YTHDF2: variants seen among roughly 807,000 people sequenced by gnomAD.
YTHDF2 encodes the protein YTH N6-methyladenosine RNA binding protein F2.
YTHDF2 carries 2 observed loss-of-function variants against 50.4 expected under a neutral mutation model. That is an observed-to-expected ratio of 0.04 (90% confidence interval 0.02 to 0.12). YTHDF2 has a LOEUF of 0.12. Among genes scored for constraint, YTHDF2 ranks in the 10% least tolerant of loss-of-function variants. The pLI, the probability that YTHDF2 is intolerant of heterozygous loss-of-function variation, is 1.00. For synonymous variants in YTHDF2, 217 were observed against 255.6 expected, an observed-to-expected ratio of 0.85 and a Z score of 1.44; for missense variants, 483 against 722.6, an observed-to-expected ratio of 0.67 and a Z score of 3.80.
chr1:28,747,897 G>C (rs1403310880), intron 4 of YTHDF2, among the ~76,000 whole-genome samples: 1 of 151,062 alleles, frequency 6.6e-6, no homozygotes, highest in Non-Finnish European at 1.5e-5. Flanking sequence ...AGGCTGAGGC[G>C]GGCAGATCAC....
At chr1:28,747,406 C>T (rs572989044) in intron 4 of YTHDF2, among the ~76,000 whole-genome samples, 1 of 151,108 alleles carries the variant, frequency 6.6e-6, no homozygotes, top group South Asian at 2.1e-4. Flanking sequence ...CCTGTGTCTA[C>T]TAAAAATACA....
intron 1 of YTHDF2, 116 bp from the exon 2 acceptor site, chr1:28,737,542 G>A (rs528292041): frequency 2.9e-5 from 41 of 1,390,540 alleles, no homozygotes; most frequent in Non-Finnish European, 3.9e-5. Context: ...CATTCCTGAC[G>A]CCTCCCCTCG....
chr1:28,768,190 T>A (rs1195837519), intron 4 of YTHDF2, among the ~76,000 whole-genome samples: 1 of 151,988 alleles, frequency 6.6e-6, no homozygotes, highest in Non-Finnish European at 1.5e-5. Context: ...AGAGCGAGAC[T>A]CTGTCTCAAA....
chr1:28,745,022 C>G (rs528377971), intron 4 of YTHDF2, among the ~76,000 whole-genome samples: 2 of 152,136 alleles, frequency 1.3e-5, no homozygotes, highest in African/African-American at 4.8e-5. Context: ...AGAAATTTTT[C>G]TTTGAAGATC....
chr1:28,762,898 C>T (rs191570085), intron 4 of YTHDF2, among the ~76,000 whole-genome samples: 143 of 151,986 alleles, frequency 9.4e-4, no homozygotes, highest in African/African-American at 3.3e-3. Flanking sequence ...AGTGCAGTGG[C>T]GCGATCTTGG....
chr1:28,739,425 T>G (rs1259594119), intron 3 of YTHDF2, among the ~76,000 whole-genome samples: 4 of 151,596 alleles, frequency 2.6e-5, no homozygotes, highest in Admixed American at 6.6e-5. Flanking sequence ...TTTGCCCGCC[T>G]CAGCCTCCCA....
chr1:28,754,019 C>G (rs974510737), intron 4 of YTHDF2, among the ~76,000 whole-genome samples: 1 of 151,864 alleles, frequency 6.6e-6, no homozygotes, highest in Admixed American at 6.6e-5. Context: ...GGATTTTATT[C>G]TTTACCTGTG....
At chr1:28,765,711 C>G (rs572140443) in intron 4 of YTHDF2, among the ~76,000 whole-genome samples, 1 of 152,154 alleles carries the variant, frequency 6.6e-6, no homozygotes, top group Non-Finnish European at 1.5e-5. Context: ...CCTCAGCCTT[C>G]TAAAGTGTGA....
At chr1:28,762,844 A>C (rs186762701) in intron 4 of YTHDF2, among the ~76,000 whole-genome samples, 1 of 151,780 alleles carries the variant, frequency 6.6e-6, no homozygotes, top group Non-Finnish European at 1.5e-5. Context: ...TTTATTTTTA[A>C]TTTTTATTTT....
Position 28,762,893 on chromosome 1 carries a change from A to G in YTHDF2, c.1717-6036A>G, listed in dbSNP as rs546720429. Among the ~76,000 whole-genome samples, 4 of 152,180 alleles carry G rather than the reference A, an allele frequency of 2.6e-5. No individual in the cohort carries two copies. The East Asian group carries it at 5.8e-4, about 22-fold the overall frequency. On this transcript the variant is annotated intron_variant, in intron 4 of 4. Transcript: ENST00000373812. ...AGCTCTGTTGGCTAGGCTGGAGTGC[A>G]GTGGCGCGATCTTGGCTCACCCGGG...
At position 28,750,046 on chromosome 1, in the gene YTHDF2, A is replaced by G. The variant is rs1215992287; in HGVS notation, c.1716+6060A>G. Among the ~76,000 whole-genome samples, 4 of 125,192 alleles carry G rather than the reference A, an allele frequency of 3.2e-5. No individual in the cohort carries two copies. In the East Asian group the frequency reaches 7.8e-4, roughly 24 times the overall value. 82.1% of individuals were successfully genotyped at this position (125,192 alleles called of 152,430 possible). On this transcript the variant is annotated intron_variant, in intron 4 of 4. Transcript: ENST00000373812. The stretch of plus-strand genomic sequence containing the variant: ...ACTTTTGTCACCCAGGCTGGAGTGC[A>G]ATGGCGTGATCTCGGCTCACTGCAA...
At chr1:28,738,367 T>C in intron 3 of YTHDF2, 29 bp downstream of exon 3, 1 of 1,537,942 alleles carries the variant, frequency 6.5e-7, no homozygotes, top group South Asian at 1.1e-5. Flanking sequence ...ACATATCTAA[T>C]CGAAGGGTGT....
At position 28,769,577 on chromosome 1, in the gene YTHDF2, A is replaced by G. The variant is rs1476577179; in HGVS notation, c.*625A>G. On this transcript the variant is annotated 3_prime_UTR_variant, in exon 5 of 5. Transcript: ENST00000373812. Reference sequence around the variant, plus strand: ...TCTGTTCTTGTACATTATACTGATTAAGTCAGGATTAATTTGATTTCAAAG... The same window carrying G: ...TCTGTTCTTGTACATTATACTGATTGAGTCAGGATTAATTTGATTTCAAAG... 1 of 152,670 alleles carries G rather than the reference A, an allele frequency of 6.6e-6. No homozygotes were observed. Among genetic ancestry groups the G allele is most frequent in the Admixed American group, 6.5e-5 (1 of 15,286 alleles). 9.5% of individuals were successfully genotyped at this position (152,670 alleles called of 1,614,324 possible).
chr1:28,761,485 C>G (rs986056446), intron 4 of YTHDF2, among the ~76,000 whole-genome samples: 1 of 152,046 alleles, frequency 6.6e-6, no homozygotes, highest in Non-Finnish European at 1.5e-5. Context: ...GCCTGTAATC[C>G]CAGCACATAA....
intron 4 of YTHDF2, 141 bp downstream of exon 4, chr1:28,744,127 A>G: frequency 1.1e-6 from 1 of 899,136 alleles, no homozygotes; most frequent in Non-Finnish European, 1.6e-6. Context: ...ATAGAAGTAT[A>G]ATTGGTTTTA....
intron 2 of YTHDF2, 79 bp downstream of exon 2, chr1:28,737,761 C>G (rs1031792706): frequency 1.4e-5 from 22 of 1,565,172 alleles, no homozygotes; most frequent in South Asian, 1.0e-4. Flanking sequence ...GGAAGCGCCC[C>G]GGGCGGAGGA....
At chr1:28,748,131 A>G (rs936666064) in intron 4 of YTHDF2, among the ~76,000 whole-genome samples, 3 of 150,908 alleles carry the variant, frequency 2.0e-5, no homozygotes, top group Admixed American at 2.0e-4. Context: ...CCATCTCAAA[A>G]AAAAAAAACC....
At chr1:28,767,079 C>T (rs2088230655) in intron 4 of YTHDF2, among the ~76,000 whole-genome samples, 1 of 150,778 alleles carries the variant, frequency 6.6e-6, no homozygotes, top group Non-Finnish European at 1.5e-5. Context: ...TGGCCTCAAG[C>T]AGTCTTATCT....
At chr1:28,768,576 T>C (rs1344703392) in intron 4 of YTHDF2, among the ~76,000 whole-genome samples, 1 of 152,176 alleles carries the variant, frequency 6.6e-6, no homozygotes, top group African/African-American at 2.4e-5. Context: ...AACACTCTAG[T>C]GTACTATGTA....
Sources: allele counts gnomAD v4.1 joint callset (sites outside exome capture counted in the v4.1 genomes callset), GRCh38; gene constraint gnomAD v4.1.1; transcripts MANE v1.5; gene names NCBI Gene and HGNC (gene_info 2026-07-23, HGNC 2026-07-21).